TRPM8: variants seen among roughly 807,000 people sequenced by gnomAD.
The protein encoded by TRPM8 is TRPM8 cationic channel.
TRPM8 carries 110 observed loss-of-function variants against 133.7 expected under a neutral mutation model. The ratio of observed to expected loss-of-function variants is 0.82; its 90% CI spans 0.70 to 0.96. The LOEUF (loss-of-function observed/expected upper bound fraction) is 0.96, where lower values mean the gene tolerates loss of function less well. TRPM8 is among the 40% of genes least tolerant of loss of function. TRPM8 has a pLI of 0.00. For missense variants in TRPM8, 1,291 were observed against 1,379.5 expected (o/e 0.94, Z 1.02); for synonymous variants, 535 against 532.3 (o/e 1.01, Z -0.07).
chr2:233,990,371 C>T (rs907151654), intron 21 of TRPM8, among the ~76,000 whole-genome samples: 4 of 152,172 alleles, frequency 2.6e-5, no homozygotes, highest in East Asian at 1.9e-4. Flanking sequence ...CCGGTCAGAA[C>T]GGGCCACTCA....
chr2:233,996,402 T>A lies in TRPM8; in HGVS notation c.3016T>A (p.Cys1006Ser). 2 of 1,614,236 alleles carry A rather than the reference T, an allele frequency of 1.2e-6. No individual in the cohort carries two copies. The highest frequency in any genetic ancestry group is 2.7e-5 in the African/African-American group (2 of 75,058). Residue 1006 changes from cysteine to serine, a missense_variant, in exon 22 of 26, where the codon TGC becomes AGC. Coordinates refer to ENST00000324695, the MANE Select transcript of TRPM8 (RefSeq NM_024080.5). ...GAGGTACTTCCTGGTGCAGGAGTAC[T>A]GCAGCCGCCTCAATATCCCCTTCCC... The part of the protein sequence containing the change: ...FQRYFLVQEY[C>S]SRLNIPFPFI...
rs530164172 is a variant in TRPM8 at position 233,936,433 on chromosome 2, G to A, written c.192-920G>A. Reference sequence around the variant, plus strand: ...AATTTAGTTCCATTGCATTTTTAACGAGAAGATCTCGTGTTCATTTACCGC... The same window carrying A: ...AATTTAGTTCCATTGCATTTTTAACAAGAAGATCTCGTGTTCATTTACCGC... On this transcript the variant is annotated intron_variant, in intron 3 of 25. Transcript: ENST00000324695. 4.6e-5 allele frequency among the ~76,000 whole-genome samples: 7 copies of A among 152,302 alleles called. No individual in the cohort carries two copies. In the South Asian group the frequency reaches 6.2e-4, roughly 14 times the overall value.
At chr2:233,932,479 T>G (rs1401806732) in intron 3 of TRPM8, among the ~76,000 whole-genome samples, 1 of 152,072 alleles carries the variant, frequency 6.6e-6, no homozygotes, top group Admixed American at 6.5e-5. Flanking sequence ...TGGAATATGT[T>G]GATTGGCAAG....
At chr2:234,000,701 T>C (rs1363380588) in intron 22 of TRPM8, among the ~76,000 whole-genome samples, 3 of 148,398 alleles carry the variant, frequency 2.0e-5, no homozygotes, top group African/African-American at 7.5e-5. Context: ...TTTTCGGAAA[T>C]GGTGTCTCGC....
At chr2:233,987,428 T>C (rs1043933319) in intron 21 of TRPM8, among the ~76,000 whole-genome samples, 5 of 152,200 alleles carry the variant, frequency 3.3e-5, no homozygotes, top group Admixed American at 2.6e-4. Flanking sequence ...AATTGTCAAA[T>C]AGAGCCCTGA....
At chr2:234,001,550 C>T (rs114554702) in intron 22 of TRPM8, among the ~76,000 whole-genome samples, 4 of 152,194 alleles carry the variant, frequency 2.6e-5, no homozygotes, top group South Asian at 2.1e-4. Context: ...TTCTGTAAAA[C>T]GCACACCACA....
chr2:233,964,603 T>C (rs779957081), intron 13 of TRPM8, 25 bp from the exon 14 acceptor site: 2 of 1,433,302 alleles, frequency 1.4e-6, no homozygotes, highest in African/African-American at 3.0e-5. Flanking sequence ...GAATTAACCT[T>C]AAAATTCTTC....
At chr2:233,918,970 C>T (rs1036162962) in intron 1 of TRPM8, among the ~76,000 whole-genome samples, 1 of 152,018 alleles carries the variant, frequency 6.6e-6, no homozygotes, top group African/African-American at 2.4e-5. Context: ...GGAGCATTTT[C>T]CTTAGAGTAT....
At chr2:233,958,789 G>A (rs531823836) in intron 11 of TRPM8, among the ~76,000 whole-genome samples, 1 of 152,162 alleles carries the variant, frequency 6.6e-6, no homozygotes. Context: ...TGATCCCCAT[G>A]AGACCAACAT....
intron 3 of TRPM8, among the ~76,000 whole-genome samples, chr2:233,935,133 C>A (rs1691764236): frequency 6.6e-6 from 1 of 152,208 alleles, no homozygotes; most frequent in Admixed American, 6.5e-5. Context: ...TTTATTTGCT[C>A]ATTTGTTCAT....
At chr2:234,004,105 G>T (rs1559550099) in intron 22 of TRPM8, among the ~76,000 whole-genome samples, 1 of 152,226 alleles carries the variant, frequency 6.6e-6, no homozygotes, top group East Asian at 1.9e-4. Context: ...AGTCAGACAT[G>T]AAAGAGTGAA....
At chr2:234,001,336 C>T (rs1035528388) in intron 22 of TRPM8, among the ~76,000 whole-genome samples, 2 of 152,050 alleles carry the variant, frequency 1.3e-5, no homozygotes, top group Admixed American at 6.5e-5. Flanking sequence ...TTCAATATGC[C>T]GTGGTGCCAT....
intron 22 of TRPM8, among the ~76,000 whole-genome samples, chr2:234,000,086 G>GATTTATT (rs1553669211): frequency 1.7e-4 from 25 of 144,166 alleles, no homozygotes; most frequent in South Asian, 2.3e-4. Flanking sequence ...CAATGTGGAT[G>GATTTATT]ATTTATTTAT....
In TRPM8 at chr2:234,006,937, A is replaced by G. The variant is rs1692709238; in HGVS notation, c.3215A>G (p.Asn1072Ser). The G allele has an allele frequency of 1.2e-6, 2 of 1,613,614 alleles. No individual in the cohort carries two copies. The highest frequency in any genetic ancestry group is 1.7e-6 in the Non-Finnish European group (2 of 1,179,548). Residue 1072 changes from asparagine to serine, a missense_variant, in exon 23 of 26, where the codon AAC becomes AGC. Asn to Ser is a conservative substitution (Grantham distance 46). Around this residue, in one of 2 missense-constraint regions of TRPM8, gnomAD observed 328 missense variants for 410.6 expected, o/e 0.80. Coordinates refer to ENST00000324695, the MANE Select transcript of TRPM8 (RefSeq NM_024080.5). Reference protein sequence around the residue: ...NYLVKINTKANDTSEEMRHRF... With the variant: ...NYLVKINTKASDTSEEMRHRF... ...CTTGTCAAGATCAACACAAAAGCCAACGACACCTCAGAGGAGTATGTCAGA... is the reference window on the plus strand; with the variant it reads ...CTTGTCAAGATCAACACAAAAGCCAGCGACACCTCAGAGGAGTATGTCAGA...
intron 1 of TRPM8, among the ~76,000 whole-genome samples, chr2:233,922,065 A>G (rs1437435359): frequency 6.6e-6 from 1 of 151,938 alleles, no homozygotes; most frequent in South Asian, 2.1e-4. Context: ...TTAACAGTCT[A>G]TTGTAAAGAG....
At chr2:233,966,347 C>T (rs2125204604) in intron 14 of TRPM8, among the ~76,000 whole-genome samples, 2 of 152,264 alleles carry the variant, frequency 1.3e-5, no homozygotes, top group South Asian at 4.2e-4. Flanking sequence ...GAGAGGGGCT[C>T]CCTCTGTCCA....
At chr2:233,957,431 A>G (rs568165004) in intron 11 of TRPM8, among the ~76,000 whole-genome samples, 19 of 152,136 alleles carry the variant, frequency 1.2e-4, no homozygotes, top group African/African-American at 4.3e-4. Context: ...GGAGGTTGCA[A>G]TGAGCTGAGA....
At chr2:233,953,176 G>A (rs1691210877) in intron 9 of TRPM8, among the ~76,000 whole-genome samples, 1 of 152,180 alleles carries the variant, frequency 6.6e-6, no homozygotes, top group Admixed American at 6.5e-5. Flanking sequence ...CCAAATCCAA[G>A]GGCTCTTTTT....
At position 233,944,477 on chromosome 2, in the gene TRPM8, CTGTT is replaced by C. The variant is rs1690993992; in HGVS notation, c.700-1377_700-1374del. Among the ~76,000 whole-genome samples the C allele has an allele frequency of 2.0e-5, 3 of 152,280 alleles. No individual in the cohort carries two copies. In the South Asian group the frequency reaches 6.2e-4, roughly 32 times the overall value. On this transcript the variant is annotated intron_variant, in intron 6 of 25. Transcript: ENST00000324695. ...AAAGACTTCAAAGTCTCCCTAGAGG[CTGTT>C]TACAGAGCCCATTTCCTGGCAACAA...
Sources: allele counts gnomAD v4.1 joint callset (sites outside exome capture counted in the v4.1 genomes callset), GRCh38; gene constraint gnomAD v4.1.1; regional missense constraint gnomAD v4.1.1; transcripts MANE v1.5; gene names NCBI Gene and HGNC (gene_info 2026-07-23, HGNC 2026-07-21).